Variants in TTC29 observed in about 807,000 individuals in gnomAD.
The protein encoded by TTC29 is tetratricopeptide repeat domain 29.
TTC29 carries 49 observed loss-of-function variants against 58.1 expected under a neutral mutation model. That is an observed-to-expected ratio of 0.84 (90% CI 0.67 to 1.07). The LOEUF is 1.07. Among genes scored for constraint, TTC29 ranks in the 50% least tolerant of loss-of-function variants. The pLI is 0.00. For missense variants in TTC29, 582 were observed against 555.6 expected, an observed-to-expected ratio of 1.05 and a Z score of -0.48; for synonymous variants, 209 against 196.8, an observed-to-expected ratio of 1.06 and a Z score of -0.52.
At chr4:146,708,345 TATATATATATAC>T (rs200546428) in intron 11 of TTC29, among the ~76,000 whole-genome samples, 3,165 of 28,640 alleles carry the variant, frequency 0.11, 252 homozygotes, top group South Asian at 0.29. Context: ...TATATATATA[TATATATATATAC>T]ACATGTATGT....
intron 8 of TTC29, among the ~76,000 whole-genome samples, chr4:146,854,583 C>A (rs1266627293): frequency 2.0e-5 from 3 of 152,144 alleles, no homozygotes; most frequent in African/African-American, 7.2e-5. Context: ...TACTCCCTTT[C>A]CCCTCCATAA....
chr4:146,870,978 A>C (rs1289691917), intron 7 of TTC29, among the ~76,000 whole-genome samples: 1 of 151,956 alleles, frequency 6.6e-6, no homozygotes, highest in African/African-American at 2.4e-5. Context: ...ACACCTCCCA[A>C]ATCATTCTGC....
chr4:146,760,754 G>A (rs868354959), intron 11 of TTC29, among the ~76,000 whole-genome samples: 1 of 117,256 alleles, frequency 8.5e-6, no homozygotes, highest in South Asian at 2.7e-4. Flanking sequence ...ATATATATGT[G>A]TATATATATA....
intron 11 of TTC29, among the ~76,000 whole-genome samples, chr4:146,760,811 T>TAC (rs1746835079): frequency 6.9e-6 from 1 of 145,390 alleles, no homozygotes; most frequent in African/African-American, 2.5e-5. Context: ...TATATATATA[T>TAC]GATGGAATAC....
chr4:146,792,487 A>G (rs1749531481), intron 11 of TTC29, among the ~76,000 whole-genome samples: 1 of 152,182 alleles, frequency 6.6e-6, no homozygotes, highest in South Asian at 2.1e-4. Context: ...TTGATAATGC[A>G]TCTAGGCACC....
chr4:146,790,589 C>T (rs999991531), intron 11 of TTC29, among the ~76,000 whole-genome samples: 1 of 152,008 alleles, frequency 6.6e-6, no homozygotes, highest in African/African-American at 2.4e-5. Context: ...AATCTCCATT[C>T]CTATGCTTAA....
chr4:146,783,783 A>ATAT (rs1376278131), intron 11 of TTC29, among the ~76,000 whole-genome samples: 2 of 152,064 alleles, frequency 1.3e-5, no homozygotes, highest in African/African-American at 4.8e-5. Flanking sequence ...TTTGTCTTCT[A>ATAT]TATTTATGTT....
intron 6 of TTC29, among the ~76,000 whole-genome samples, chr4:146,887,975 G>A (rs1732101281): frequency 6.6e-6 from 1 of 151,954 alleles, no homozygotes; most frequent in Non-Finnish European, 1.5e-5. Context: ...TGCTCCCCGA[G>A]ACAAAGAGAA....
chr4:146,862,977 C>A (rs894129739), intron 8 of TTC29, among the ~76,000 whole-genome samples: 7 of 151,962 alleles, frequency 4.6e-5, no homozygotes, highest in Admixed American at 4.6e-4. Context: ...AAAAAATTAG[C>A]CGGGCGTGGT....
In TTC29 at chr4:146,706,909, A is replaced by G; in HGVS notation, c.*249T>C. The G allele has an allele frequency of 3.0e-6, 1 of 328,588 alleles. No homozygotes were observed. The highest frequency in any genetic ancestry group is 5.5e-6 in the Non-Finnish European group (1 of 182,464). 20.4% of individuals were successfully genotyped at this position (328,588 alleles called of 1,614,324 possible). A position where few individuals can be genotyped will look rare whatever the true frequency, so the allele number is the denominator to read the frequency against. On this transcript the variant is annotated 3_prime_UTR_variant, in exon 13 of 13. Coordinates refer to ENST00000325106, the MANE Select transcript of TTC29 (RefSeq NM_031956.4). ...ACTATTTCTTGTGGAATAGTGGATAAGAGGAAATCATTTATTTCATGGATG... is the reference window on the plus strand; with the variant it reads ...ACTATTTCTTGTGGAATAGTGGATAGGAGGAAATCATTTATTTCATGGATG...
At chr4:146,833,998 G>T in intron 8 of TTC29, 101 bp from the exon 9 acceptor site, 1 of 739,018 alleles carries the variant, frequency 1.4e-6, no homozygotes, top group African/African-American at 1.8e-5. Flanking sequence ...TGGTTTTAAT[G>T]TCTCTATAAA....
At chr4:146,793,602 T>C (rs1749625651) in intron 11 of TTC29, among the ~76,000 whole-genome samples, 3 of 152,148 alleles carry the variant, frequency 2.0e-5, no homozygotes, top group Non-Finnish European at 2.9e-5. Flanking sequence ...GATCTGGAAC[T>C]GAACCCACAA....
intron 9 of TTC29, among the ~76,000 whole-genome samples, chr4:146,820,677 C>T (rs1751752525): frequency 6.6e-6 from 1 of 152,106 alleles, no homozygotes; most frequent in African/African-American, 2.4e-5. Flanking sequence ...TGTATATCAA[C>T]TGATGAATGG....
At chr4:146,779,347 A>G (rs1748394840) in intron 11 of TTC29, among the ~76,000 whole-genome samples, 1 of 152,104 alleles carries the variant, frequency 6.6e-6, no homozygotes, top group East Asian at 1.9e-4. Flanking sequence ...CAAATGATGT[A>G]TAATGTTACC....
chr4:146,880,871 G>A (rs145904140), intron 6 of TTC29, among the ~76,000 whole-genome samples: 6 of 151,840 alleles, frequency 4.0e-5, no homozygotes, highest in East Asian at 3.9e-4. Flanking sequence ...CGTAAGCTAC[G>A]AACATTAGAG....
intron 11 of TTC29, among the ~76,000 whole-genome samples, chr4:146,713,235 G>C (rs1742650600): frequency 6.6e-6 from 1 of 151,674 alleles, no homozygotes; most frequent in Non-Finnish European, 1.5e-5. Context: ...AGTGTGGTTT[G>C]AGCGTCAACA....
At chr4:146,931,939 C>T (rs1735364501) in intron 4 of TTC29, among the ~76,000 whole-genome samples, 1 of 151,662 alleles carries the variant, frequency 6.6e-6, no homozygotes, top group African/African-American at 2.4e-5. Context: ...TTTTAAATTC[C>T]CCAATTTTAA....
chr4:146,757,932 A>AG (rs1746579814), intron 11 of TTC29, among the ~76,000 whole-genome samples: 1 of 152,020 alleles, frequency 6.6e-6, no homozygotes, highest in Non-Finnish European at 1.5e-5. Flanking sequence ...AACCAAAAAA[A>AG]AACAAAAACA....
At chr4:146,918,800 T>C (rs1734398391) in intron 4 of TTC29, among the ~76,000 whole-genome samples, 1 of 151,102 alleles carries the variant, frequency 6.6e-6, no homozygotes, top group Admixed American at 6.6e-5. Flanking sequence ...CATCAGACAA[T>C]AGAAAGTATT....
Sources: allele counts gnomAD v4.1 joint callset (sites outside exome capture counted in the v4.1 genomes callset), GRCh38; gene constraint gnomAD v4.1.1; transcripts MANE v1.5; gene names NCBI Gene and HGNC (gene_info 2026-07-23, HGNC 2026-07-21).